Variants in RPSA2 observed in about 807,000 individuals in gnomAD.
RPSA2 encodes the protein ribosomal protein SA 2.
At chr19:23,827,317 G>A in the RPSA2 span, 1 of 1,574,472 alleles carries the variant, frequency 6.4e-7, no homozygotes, top group South Asian at 1.1e-5. Context: ...TAAATCTCAA[G>A]AGGACCTGGG....
the RPSA2 span, among the ~76,000 whole-genome samples, chr19:23,806,201 C>T: frequency 6.6e-6 from 1 of 151,898 alleles, no homozygotes; most frequent in Non-Finnish European, 1.5e-5. Context: ...TGCATCATCA[C>T]ACTCAGCTAA....
At chr19:23,820,218 C>G in the RPSA2 span, among the ~76,000 whole-genome samples, 1 of 152,186 alleles carries the variant, frequency 6.6e-6, no homozygotes, top group Non-Finnish European at 1.5e-5. Flanking sequence ...GCATTGTTCA[C>G]AAATGGCTCA....
chr19:23,856,525 G>A, the RPSA2 span, among the ~76,000 whole-genome samples: 156 of 152,188 alleles, frequency 1.0e-3, no homozygotes, highest in Admixed American at 6.3e-3. Context: ...CCGAACAAGT[G>A]TTTCTGTGGT....
the RPSA2 span, among the ~76,000 whole-genome samples, chr19:23,853,240 T>C: frequency 2.6e-5 from 4 of 152,268 alleles, no homozygotes; most frequent in Non-Finnish European, 5.9e-5. Flanking sequence ...TCAATAACTA[T>C]GAGAGGCCAA....
chr19:23,829,545 C>T, the RPSA2 span, among the ~76,000 whole-genome samples: 3 of 152,176 alleles, frequency 2.0e-5, no homozygotes, highest in Non-Finnish European at 2.9e-5. Flanking sequence ...AGGTGATCCA[C>T]CCGCCTCGGC....
the RPSA2 span, among the ~76,000 whole-genome samples, chr19:23,817,402 T>A: frequency 0.98 from 148,998 of 152,348 alleles, 72,955 homozygotes; most frequent in Middle Eastern, 1. Context: ...TAAATAAATA[T>A]AAATTATTTT....
chr19:23,785,000 A>C, the RPSA2 span, among the ~76,000 whole-genome samples: 1 of 152,362 alleles, frequency 6.6e-6, no homozygotes, highest in East Asian at 1.9e-4. Context: ...TTCTAATCTC[A>C]TTCCTGGACT....
the RPSA2 span, among the ~76,000 whole-genome samples, chr19:23,816,420 T>C: frequency 6.6e-6 from 1 of 152,192 alleles, no homozygotes; most frequent in Non-Finnish European, 1.5e-5. Flanking sequence ...ACATTTCTTT[T>C]TATTAAGTAA....
At chr19:23,799,418 A>G in the RPSA2 span, 3 of 152,198 alleles carry the variant, frequency 2.0e-5, no homozygotes, top group African/African-American at 7.2e-5. Flanking sequence ...GGCTTAAATA[A>G]TGCTCTCATT....
At chr19:23,862,211 T>G in the RPSA2 span, among the ~76,000 whole-genome samples, 11 of 152,156 alleles carry the variant, frequency 7.2e-5, no homozygotes, top group African/African-American at 2.7e-4. Flanking sequence ...TGCTTGTGAT[T>G]TTTGTACATT....
chr19:23,785,957 G>A, the RPSA2 span, among the ~76,000 whole-genome samples: 53,002 of 151,984 alleles, frequency 0.35, 9,725 homozygotes, highest in East Asian at 0.55. Context: ...TCAGCACACA[G>A]GTGAGATTGT....
At chr19:23,767,278 T>G in the RPSA2 span, among the ~76,000 whole-genome samples, 2 of 151,938 alleles carry the variant, frequency 1.3e-5, no homozygotes, top group Non-Finnish European at 2.9e-5. Context: ...GGGGTTTCAT[T>G]ATGTTTGCCA....
chr19:23,848,107 A>C, the RPSA2 span, among the ~76,000 whole-genome samples: 4 of 152,214 alleles, frequency 2.6e-5, no homozygotes, highest in Admixed American at 6.5e-5. Context: ...TTCTGAGGTG[A>C]CGTACATCCT....
the RPSA2 span, among the ~76,000 whole-genome samples, chr19:23,784,563 A>G: frequency 6.6e-6 from 1 of 152,218 alleles, no homozygotes; most frequent in African/African-American, 2.4e-5. Flanking sequence ...TCCTTCTTGT[A>G]TGAAGGTCAC....
chr19:23,761,042 G>A, the RPSA2 span, among the ~76,000 whole-genome samples: 2 of 148,834 alleles, frequency 1.3e-5, no homozygotes, highest in African/African-American at 2.5e-5. Flanking sequence ...TATATATAGG[G>A]TATATATGTG....
the RPSA2 span, among the ~76,000 whole-genome samples, chr19:23,859,613 A>G: frequency 1.9e-5 from 2 of 104,688 alleles, no homozygotes; most frequent in African/African-American, 7.2e-5. Context: ...GGCAACAATA[A>G]CAAAGTTCCG....
the RPSA2 span, among the ~76,000 whole-genome samples, chr19:23,764,119 A>G: frequency 5.9e-5 from 9 of 152,156 alleles, no homozygotes; most frequent in African/African-American, 2.2e-4. Flanking sequence ...TTTTTTACTT[A>G]TGAACACAGG....
chr19:23,848,915 T>C, the RPSA2 span, among the ~76,000 whole-genome samples: 1 of 152,214 alleles, frequency 6.6e-6, no homozygotes, highest in Non-Finnish European at 1.5e-5. Flanking sequence ...ATTACACCCA[T>C]GATCACAGCA....
chr19:23,857,761 C>A, the RPSA2 span, among the ~76,000 whole-genome samples: 148,673 of 151,994 alleles, frequency 0.98, 72,804 homozygotes, highest in Middle Eastern at 1. Flanking sequence ...TCCCAAAGTG[C>A]TGGGATTGCA....
Sources: gnomAD v4.1 joint callset for allele counts (sites outside exome capture counted in the v4.1 genomes callset) on GRCh38, gnomAD v4.1.1 for gene constraint, MANE v1.5 for transcripts, NCBI Gene and HGNC (gene_info 2026-07-23, HGNC 2026-07-21) for gene names.